The following DIS3L variants were observed in gnomAD, a reference collection of about 807,000 sequenced individuals.
DIS3L encodes DIS3 like exosome 3'-5' exoribonuclease.
DIS3L carries 100 observed loss-of-function variants against 120.3 expected under a neutral mutation model. The ratio of observed to expected loss-of-function variants is 0.83; its 90% confidence interval spans 0.71 to 0.98. DIS3L has a LOEUF of 0.98. Ranked by LOEUF, DIS3L falls within the 50% of genes least tolerant of loss-of-function variation. DIS3L has a pLI of 0.00. For synonymous variants in DIS3L, 426 were observed against 470.6 expected, an observed-to-expected ratio of 0.91 and a Z score of 1.23; for missense variants, 1,196 against 1,314.2, an observed-to-expected ratio of 0.91 and a Z score of 1.39.
chr15:66,326,960 C>T (rs1425578583), intron 12 of DIS3L, among the ~76,000 whole-genome samples: 9 of 149,574 alleles, frequency 6.0e-5, no homozygotes, highest in African/African-American at 2.0e-4. Flanking sequence ...GATAGAGTCT[C>T]GCTCTGTCAT....
chr15:66,323,000 G>T (rs1873941088), intron 10 of DIS3L, 66 bp downstream of exon 10: 1 of 1,568,924 alleles, frequency 6.4e-7, no homozygotes. Context: ...GTCTGTACTA[G>T]TTTCAGGTGT....
intron 12 of DIS3L, among the ~76,000 whole-genome samples, chr15:66,327,867 C>T (rs2092955193): frequency 6.6e-6 from 1 of 152,156 alleles, no homozygotes; most frequent in African/African-American, 2.4e-5. Flanking sequence ...TCAAGACCAG[C>T]CTTGCCAACA....
intron 3 of DIS3L, 83 bp from the exon 4 acceptor site, chr15:66,308,626 T>C (rs1166897980): frequency 3.3e-6 from 5 of 1,524,370 alleles, no homozygotes; most frequent in African/African-American, 2.7e-5. Context: ...GTCCAAAGGA[T>C]AGCAAAAGCC....
At chr15:66,293,800 G>T in intron 1 of DIS3L, 65 bp downstream of exon 1, 3 of 1,098,886 alleles carry the variant, frequency 2.7e-6, no homozygotes, top group Non-Finnish European at 2.2e-6. Context: ...GAGGGGCTGA[G>T]CGCGGCCGGG....
chr15:66,293,881 C>A, intron 1 of DIS3L, 146 bp downstream of exon 1: 2 of 1,004,192 alleles, frequency 2.0e-6, no homozygotes, highest in Non-Finnish European at 2.4e-6. Context: ...CGGCCTCACC[C>A]CCCGGCTCTC....
At chr15:66,320,424 A>AG (rs1226118459) in intron 8 of DIS3L, 147 bp from the exon 9 acceptor site, 1 of 814,128 alleles carries the variant, frequency 1.2e-6, no homozygotes, top group Non-Finnish European at 1.8e-6. Flanking sequence ...ATGAAAAACA[A>AG]AAAAAAAACC....
intron 9 of DIS3L, among the ~76,000 whole-genome samples, chr15:66,321,250 T>C (rs2092879956): frequency 6.6e-6 from 1 of 152,244 alleles, no homozygotes; most frequent in South Asian, 2.1e-4. Context: ...TATGATCTTT[T>C]AAAACCCTCA....
chr15:66,310,159 T>A (rs1328245397), intron 4 of DIS3L, among the ~76,000 whole-genome samples: 1 of 152,198 alleles, frequency 6.6e-6, no homozygotes, highest in African/African-American at 2.4e-5. Context: ...GGGTTTTGAA[T>A]TGCAGATTCT....
At position 66,329,238 on chromosome 15, in the gene DIS3L, T is replaced by C; in HGVS notation, c.2374T>C (p.Tyr792His). Residue 792 changes from tyrosine (Y) to histidine (H), a missense_variant, in exon 14 of 17, where the codon TAT (tyrosine) becomes CAT (histidine). Transcript: ENST00000319212. ...TTTTGAAGGTCTTGCATTAGATAAA[T>C]ATACCCACTTTACTTCTCCAATAAG... ...FHHYGLALDKYTHFTSPIRRY... is the reference protein window; with the variant it reads ...FHHYGLALDKHTHFTSPIRRY... The C allele has an allele frequency of 6.2e-7, 1 of 1,603,942 alleles. No homozygotes were observed.
At position 66,329,091 on chromosome 15, in the gene DIS3L, G is replaced by A. The variant is rs572687535; in HGVS notation, c.2323G>A (p.Gly775Arg). 15 of 1,613,892 alleles carry A rather than the reference G, an allele frequency of 9.3e-6. No individual in the cohort carries two copies. The highest frequency in any genetic ancestry group is 8.0e-5 in the African/African-American group (6 of 75,030). Reference protein sequence around the residue: ...AMSNALYFSTGSCAEEEFHHY... With the variant: ...AMSNALYFSTRSCAEEEFHHY... ...GTCGAATGCTCTGTACTTCTCCACC[G>A]GATCCTGTGCGGAGGAGGAGTTCCA... The change falls in exon 13 of 17, where the codon GGA becomes AGA. Residue 775 changes from glycine (G) to arginine (R), a missense_variant. Transcript: ENST00000319212.
intron 9 of DIS3L, among the ~76,000 whole-genome samples, chr15:66,321,069 T>A (rs946366639): frequency 6.6e-6 from 1 of 152,218 alleles, no homozygotes; most frequent in African/African-American, 2.4e-5. Flanking sequence ...CCACACTCTC[T>A]GTCCAAATCA....
At chr15:66,306,696 A>G in intron 2 of DIS3L, 128 bp from the exon 3 acceptor site, 1 of 1,317,494 alleles carries the variant, frequency 7.6e-7, no homozygotes, top group South Asian at 1.4e-5. Flanking sequence ...ATATAAATAC[A>G]TGTTCTTCAG....
At chr15:66,301,702 A>G (rs991472832) in intron 2 of DIS3L, among the ~76,000 whole-genome samples, 95 of 152,322 alleles carry the variant, frequency 6.2e-4, no homozygotes, top group African/African-American at 2.2e-3. Flanking sequence ...CATATGCACT[A>G]CAAAATCCTG....
intron 2 of DIS3L, among the ~76,000 whole-genome samples, chr15:66,296,035 T>C (rs2140313345): frequency 6.6e-6 from 1 of 152,324 alleles, no homozygotes; most frequent in African/African-American, 2.4e-5. Flanking sequence ...TGTGTGCAGG[T>C]TTTTTCAGAT....
chr15:66,305,433 A>G (rs371783305), intron 2 of DIS3L, among the ~76,000 whole-genome samples: 2 of 152,124 alleles, frequency 1.3e-5, no homozygotes, highest in South Asian at 2.1e-4. Flanking sequence ...TTTAAAACCT[A>G]TGGTGGCAGG....
At chr15:66,303,244 G>T (rs1278118365) in intron 2 of DIS3L, among the ~76,000 whole-genome samples, 1 of 152,212 alleles carries the variant, frequency 6.6e-6, no homozygotes, top group African/African-American at 2.4e-5. Flanking sequence ...ACTGTGAGTA[G>T]TGTTGCTGTG....
At chr15:66,295,826 A>G (rs61095846) in intron 2 of DIS3L, among the ~76,000 whole-genome samples, 4,682 of 152,338 alleles carry the variant, frequency 0.031, 179 homozygotes, top group Admixed American at 0.076. Context: ...TGGAAATAGC[A>G]TATTAGAATT....
intron 2 of DIS3L, among the ~76,000 whole-genome samples, chr15:66,295,969 G>A (rs1265352758): frequency 1.3e-5 from 2 of 151,990 alleles, no homozygotes; most frequent in Admixed American, 6.5e-5. Flanking sequence ...TATGAAAATG[G>A]CAAAAAATTG....
intron 14 of DIS3L, 183 bp downstream of exon 14, chr15:66,329,582 G>T (rs1270813742): frequency 2.6e-5 from 34 of 1,306,402 alleles, no homozygotes; most frequent in Non-Finnish European, 3.2e-5. Flanking sequence ...AGATTTGACG[G>T]TAGATTATCA....
Sources: allele counts gnomAD v4.1 joint callset (sites outside exome capture counted in the v4.1 genomes callset), GRCh38; gene constraint gnomAD v4.1.1; transcripts MANE v1.5; gene names NCBI Gene and HGNC (gene_info 2026-07-23, HGNC 2026-07-21).